The following NENF variants were observed in gnomAD, a reference collection of about 807,000 sequenced individuals.
The protein encoded by NENF is neudesin neurotrophic factor, also known as neudesin.
Under a neutral mutation model 14.8 loss-of-function variants are expected in NENF, and 6 were observed. The ratio of observed to expected loss-of-function variants is 0.40; its 90% confidence interval spans 0.22 to 0.80. The LOEUF is 0.80. Ranked by LOEUF, NENF falls within the 30% of genes least tolerant of loss-of-function variation. NENF has a pLI of 0.34. For synonymous variants in NENF, 76 were observed against 95.1 expected, an observed-to-expected ratio of 0.80 and a Z score of 1.17; for missense variants, 184 against 212.7, an observed-to-expected ratio of 0.87 and a Z score of 0.84.
At chr1:212,435,356 T>C (rs1367664876) in intron 1 of NENF, among the ~76,000 whole-genome samples, 1 of 152,124 alleles carries the variant, frequency 6.6e-6, no homozygotes, top group Non-Finnish European at 1.5e-5. Context: ...TTTTTTTCTT[T>C]TAGAGGCAGG....
intron 1 of NENF, among the ~76,000 whole-genome samples, chr1:212,439,038 C>T (rs1662652482): frequency 6.6e-6 from 1 of 152,116 alleles, no homozygotes; most frequent in Admixed American, 6.6e-5. Flanking sequence ...GGATGTTCAT[C>T]TACACTGGGT....
At chr1:212,436,001 A>G (rs1284531963) in intron 1 of NENF, among the ~76,000 whole-genome samples, 2 of 152,232 alleles carry the variant, frequency 1.3e-5, no homozygotes, top group African/African-American at 4.8e-5. Flanking sequence ...AAGAGAAAAT[A>G]TATTTACTAT....
Position 212,445,998 on chromosome 1 carries a change from GA to G in NENF, c.512del (p.Glu171GlyfsTer20). On this transcript the variant is annotated frameshift_variant, in exon 4 of 4. Coordinates refer to ENST00000366988, the MANE Select transcript of NENF (RefSeq NM_013349.5). LOFTEE classifies it high-confidence loss of function. ...EDQPHFDIKD[E>X]F ...CCAGCCCCATTTTGACATCAAGGAT[GA>G]GTTCTGATGTTCCCCCTGCAGGAGC... 1 of 1,614,154 alleles carries G rather than the reference GA, an allele frequency of 6.2e-7. No individual in the cohort carries two copies. The highest frequency in any genetic ancestry group is 8.5e-7 in the Non-Finnish European group (1 of 1,179,994).
Position 212,433,215 on chromosome 1 carries a change from C to A in NENF, c.177+95C>A. 2 of 805,522 alleles carry A rather than the reference C, an allele frequency of 2.5e-6. No homozygotes were observed. The highest frequency in any genetic ancestry group is 6.0e-5 in the South Asian group (1 of 16,592). The allele number at this position is 805,522 out of a possible 1,614,324, so 49.9% of individuals were successfully genotyped here. ...CAGGAGGCGCCGGCGGCCCAGGAAG[C>A]TCTGGGGGACGCGCGGCCCGCGGCG... On this transcript the variant is annotated intron_variant, in intron 1 of 3. Transcript: ENST00000366988. The surrounding 1 kb of genome is among the most constrained non-coding windows in gnomAD (Gnocchi z 5.5).
chr1:212,439,834 T>C (rs1662672629), intron 1 of NENF, among the ~76,000 whole-genome samples: 1 of 151,870 alleles, frequency 6.6e-6, no homozygotes, highest in South Asian at 2.1e-4. Context: ...CACTCCAGCC[T>C]GGGCAACCGA....
intron 3 of NENF, among the ~76,000 whole-genome samples, chr1:212,444,909 A>C (rs1255517442): frequency 6.6e-6 from 1 of 152,088 alleles, no homozygotes; most frequent in Admixed American, 6.5e-5. Context: ...CTGGGTTGGG[A>C]AGAAAGGTCT....
chr1:212,438,832 G>T (rs1281084138), intron 1 of NENF, among the ~76,000 whole-genome samples: 1 of 152,072 alleles, frequency 6.6e-6, no homozygotes, highest in African/African-American at 2.4e-5. Context: ...GGCCAGGCTG[G>T]TCTCAAACTC....
intron 1 of NENF, among the ~76,000 whole-genome samples, chr1:212,438,167 G>A (rs1662638228): frequency 6.6e-6 from 1 of 152,210 alleles, no homozygotes; most frequent in African/African-American, 2.4e-5. Flanking sequence ...AAAAAAGGTA[G>A]TGTGTTCCAG....
intron 3 of NENF, among the ~76,000 whole-genome samples, chr1:212,444,808 C>T (rs910630842): frequency 2.0e-5 from 3 of 152,106 alleles, no homozygotes; most frequent in African/African-American, 7.2e-5. Flanking sequence ...ATGGTCTGTA[C>T]CTGCCACCCC....
At chr1:212,436,945 A>G (rs1218354527) in intron 1 of NENF, among the ~76,000 whole-genome samples, 1 of 148,888 alleles carries the variant, frequency 6.7e-6, no homozygotes, top group Non-Finnish European at 1.5e-5. Flanking sequence ...AAAAAAAAAG[A>G]GTTCCTACTC....
chr1:212,438,589 T>C (rs1662644966), intron 1 of NENF, among the ~76,000 whole-genome samples: 1 of 151,936 alleles, frequency 6.6e-6, no homozygotes, highest in Admixed American at 6.6e-5. Context: ...GTGGCTGATT[T>C]TGTTTTGTTT....
intron 1 of NENF, among the ~76,000 whole-genome samples, chr1:212,440,251 C>CAAAAAA (rs371489983): frequency 0.27 from 23,478 of 85,714 alleles, 3,253 homozygotes; most frequent in Non-Finnish European, 0.32. Context: ...GACTCTGTCT[C>CAAAAAA]AAAAAAAAAA....
chr1:212,440,417 C>T (rs748925932), intron 1 of NENF, among the ~76,000 whole-genome samples: 3 of 151,994 alleles, frequency 2.0e-5, no homozygotes, highest in Non-Finnish European at 4.4e-5. Flanking sequence ...ATAAGGAAAC[C>T]TGGTAAAGGA....
At chr1:212,444,271 A>C in intron 2 of NENF, 68 bp from the exon 3 acceptor site, 1 of 1,043,490 alleles carries the variant, frequency 9.6e-7, no homozygotes, top group Non-Finnish European at 1.4e-6. Context: ...GAGCGCCCCC[A>C]CGTGCAAGCT....
chr1:212,437,636 G>A (rs923431076), intron 1 of NENF, among the ~76,000 whole-genome samples: 2 of 152,160 alleles, frequency 1.3e-5, no homozygotes, highest in Non-Finnish European at 2.9e-5. Context: ...AGGGATTTGC[G>A]TAGTTTCTCC....
intron 1 of NENF, among the ~76,000 whole-genome samples, chr1:212,436,334 G>A (rs1342370296): frequency 7.5e-5 from 10 of 132,794 alleles, no homozygotes; most frequent in African/African-American, 1.7e-4. Flanking sequence ...TTTTTGAGAC[G>A]GAGTCTTGCT....
At chr1:212,444,118 C>A (rs1375382989) in intron 2 of NENF, among the ~76,000 whole-genome samples, 1 of 152,168 alleles carries the variant, frequency 6.6e-6, no homozygotes, top group African/African-American at 2.4e-5. Flanking sequence ...AATCCCTGCT[C>A]AGCCTGCATG....
At position 212,445,882 on chromosome 1, in the gene NENF, T is replaced by C. The variant is rs760728804; in HGVS notation, c.395T>C (p.Val132Ala). The C allele has an allele frequency of 2.1e-5, 34 of 1,614,046 alleles. No homozygotes were observed. In the South Asian group the frequency reaches 2.2e-4, roughly 10 times the overall value. ...LEALDEVFTK[V>A]YKAKYPIVGY... Reference sequence around the variant, plus strand: ...GCCCTGGATGAGGTCTTCACCAAAGTGTACAAAGCCAAATACCCCATCGTC... The same window carrying C: ...GCCCTGGATGAGGTCTTCACCAAAGCGTACAAAGCCAAATACCCCATCGTC... Residue 132 changes from valine (V) to alanine (A), a missense_variant, in exon 4 of 4, where the codon GTG becomes GCG. Val to Ala is a moderately conservative substitution (Grantham distance 64). Coordinates refer to ENST00000366988, the MANE Select transcript of NENF (RefSeq NM_013349.5).
chr1:212,443,447 C>T (rs1662725939), intron 2 of NENF, among the ~76,000 whole-genome samples: 2 of 152,036 alleles, frequency 1.3e-5, no homozygotes, highest in Admixed American at 6.5e-5. Context: ...GCTCTGTCGC[C>T]CAGGTTAGAG....
Sources: gnomAD v4.1 joint callset for allele counts (sites outside exome capture counted in the v4.1 genomes callset) on GRCh38, gnomAD v4.1.1 for gene constraint, Gnocchi (gnomAD v3.1) non-coding constraint, MANE v1.5 for transcripts, NCBI Gene and HGNC (gene_info 2026-07-23, HGNC 2026-07-21) for gene names.